TMEM63C: variants seen among roughly 807,000 people sequenced by gnomAD.
TMEM63C encodes the protein osmosensitive cation channel TMEM63C.
A neutral mutation model predicts 99.2 loss-of-function variants in TMEM63C; 32 were observed. The ratio of observed to expected loss-of-function variants is 0.32; its 90% CI spans 0.24 to 0.43. The LOEUF is 0.43. Among genes scored for constraint, TMEM63C ranks in the 20% least tolerant of loss-of-function variants. The pLI is 1.00. For synonymous variants in TMEM63C, 376 were observed against 397.9 expected, an observed-to-expected ratio of 0.94 and a Z score of 0.66; for missense variants, 826 against 1,053.0, an observed-to-expected ratio of 0.78 and a Z score of 2.98.
intron 1 of TMEM63C, among the ~76,000 whole-genome samples, chr14:77,199,505 C>G (rs1276943405): frequency 1.3e-5 from 2 of 152,176 alleles, no homozygotes; most frequent in African/African-American, 4.8e-5. Context: ...CTCTCTGTTT[C>G]CCTCTTCCTC....
chr14:77,183,643 C>G (rs1438984942), intron 1 of TMEM63C, among the ~76,000 whole-genome samples: 3 of 152,146 alleles, frequency 2.0e-5, no homozygotes, highest in Admixed American at 2.0e-4. Flanking sequence ...CCGGTTTACT[C>G]CAAGTGAAAG....
intron 23 of TMEM63C, among the ~76,000 whole-genome samples, chr14:77,254,331 C>T (rs1889426517): frequency 6.6e-6 from 1 of 152,102 alleles, no homozygotes; most frequent in African/African-American, 2.4e-5. Context: ...GAAGCACAGA[C>T]AAAACACCAG....
intron 6 of TMEM63C, among the ~76,000 whole-genome samples, chr14:77,226,626 G>A (rs1888832871): frequency 1.3e-5 from 2 of 152,142 alleles, no homozygotes; most frequent in African/African-American, 2.4e-5. Context: ...CACATCAGAA[G>A]TAAAGGACCG....
chr14:77,219,682 G>C, intron 4 of TMEM63C, 105 bp downstream of exon 4: 2 of 1,221,074 alleles, frequency 1.6e-6, no homozygotes, highest in Non-Finnish European at 2.4e-6. Flanking sequence ...CAGGTGTCTC[G>C]CCAGCAAGTG....
At chr14:77,219,713 C>A in intron 4 of TMEM63C, 136 bp downstream of exon 4, 1 of 898,886 alleles carries the variant, frequency 1.1e-6, no homozygotes, top group South Asian at 1.5e-5. Flanking sequence ...CTGCTCTGCC[C>A]TCCCTGCAGG....
chr14:77,188,979 G>A (rs756141395), intron 1 of TMEM63C, among the ~76,000 whole-genome samples: 1 of 152,036 alleles, frequency 6.6e-6, no homozygotes, highest in Non-Finnish European at 1.5e-5. Flanking sequence ...TTATACCTTA[G>A]CAAAGTTGAT....
chr14:77,220,818 GAC>G (rs1168899096), intron 5 of TMEM63C, among the ~76,000 whole-genome samples: 1 of 144,692 alleles, frequency 6.9e-6, no homozygotes, highest in African/African-American at 2.7e-5. Context: ...CAGCTGAACT[GAC>G]AGTGGCCCAT....
chr14:77,194,369 TGTGTGTGTGTGTGTATG>T (rs1888167257), intron 1 of TMEM63C, among the ~76,000 whole-genome samples: 1 of 134,186 alleles, frequency 7.5e-6, no homozygotes, highest in Non-Finnish European at 1.7e-5. Context: ...TGTGTGTGTG[TGTGTGTGTGTGTGTATG>T]TTCATATTTC....
At chr14:77,208,490 G>T (rs1230573261) in intron 1 of TMEM63C, among the ~76,000 whole-genome samples, 1 of 152,206 alleles carries the variant, frequency 6.6e-6, no homozygotes, top group African/African-American at 2.4e-5. Context: ...GCACCAGGGA[G>T]ATCGCCTCCT....
chr14:77,242,886 C>T lies in TMEM63C; in HGVS notation c.1188-17C>T, dbSNP rs1889203544. The stretch of plus-strand genomic sequence containing the variant: ...CTGATGTCTCTAAATGTGCCTCCTT[C>T]TTCCATCCTTCCCCAGGAAACACCT... On this transcript the variant is annotated splice_polypyrimidine_tract_variant and intron_variant, in intron 14 of 23. Transcript: ENST00000298351. 6.2e-7 allele frequency: 1 copy of T among 1,613,894 alleles called. No homozygotes were observed. Among genetic ancestry groups the T allele is most frequent in the African/African-American group, 1.3e-5 (1 of 74,936 alleles).
At position 77,220,054 on chromosome 14, in the gene TMEM63C, G is replaced by T. The variant is rs374790147; in HGVS notation, c.279G>T (p.Ser93=). The T allele has an allele frequency of 8.0e-5, 125 of 1,561,104 alleles. 2 individuals are homozygous for T. The African/African-American group carries it at 1.5e-3, about 19-fold the overall frequency. Residue 93 remains serine (S), a synonymous_variant, in exon 5 of 24, where the codon TCG becomes TCT. Coordinates refer to ENST00000298351, the MANE Select transcript of TMEM63C (RefSeq NM_020431.4). The part of the protein sequence containing the change: ...YGEQSEKTSP[S]ETSLEMERRD... ...AGCAGAGCGAGAAGACATCTCCCTC[G>T]GAGACTTCCTTGGAGATGGAACGCA...
intron 6 of TMEM63C, 48 bp downstream of exon 6, chr14:77,225,509 G>C (rs763864782): frequency 3.8e-6 from 6 of 1,599,460 alleles, no homozygotes; most frequent in Middle Eastern, 1.7e-4. Context: ...CCTTGGGGGT[G>C]GGGGGTGGAG....
At chr14:77,216,920 C>T (rs1888596514) in intron 2 of TMEM63C, among the ~76,000 whole-genome samples, 1 of 152,170 alleles carries the variant, frequency 6.6e-6, no homozygotes, top group Non-Finnish European at 1.5e-5. Flanking sequence ...AATCCCAGCA[C>T]TTTGGGAGTC....
intron 21 of TMEM63C, among the ~76,000 whole-genome samples, chr14:77,251,205 G>A (rs1889353330): frequency 6.6e-6 from 1 of 152,216 alleles, no homozygotes; most frequent in African/African-American, 2.4e-5. Context: ...ATTGAGGTTT[G>A]CCACTTTTTG....
chr14:77,248,446 C>A lies in TMEM63C; in HGVS notation c.1701C>A (p.Leu567=), dbSNP rs774695781. Residue 567 remains leucine (L), a synonymous_variant, in exon 19 of 24, where the codon CTC becomes CTA. Coordinates refer to ENST00000298351, the MANE Select transcript of TMEM63C (RefSeq NM_020431.4). ...TGMELLRLGS[L]FCYSTRLFFS... ...TGGAGCTGCTGCGTCTGGGGTCACT[C>A]TTCTGCTACAGCACCCGCCTCTTCT... 29 of 1,579,498 alleles carry A rather than the reference C, an allele frequency of 1.8e-5. No individual in the cohort carries two copies. In the East Asian group the frequency reaches 5.4e-4, roughly 29 times the overall value.
At chr14:77,205,710 T>TG (rs950034152) in intron 1 of TMEM63C, among the ~76,000 whole-genome samples, 4 of 152,122 alleles carry the variant, frequency 2.6e-5, no homozygotes, top group African/African-American at 9.6e-5. Flanking sequence ...AGATTCCTCG[T>TG]GGGGAGCTGG....
chr14:77,233,849 G>A (rs566835268), intron 8 of TMEM63C, among the ~76,000 whole-genome samples: 17 of 152,198 alleles, frequency 1.1e-4, no homozygotes, highest in African/African-American at 4.1e-4. Context: ...CCACCAATAG[G>A]TTCCAGTCAG....
intron 5 of TMEM63C, among the ~76,000 whole-genome samples, chr14:77,221,440 ACCTCCCACTCACACCTCC>A (rs1233749789): frequency 7.7e-4 from 6 of 7,748 alleles, no homozygotes; most frequent in Non-Finnish European, 8.4e-4. Context: ...CTCCCCACTC[ACCTCCCACTCACACCTCC>A]CCTCCCACTC....
At chr14:77,228,750 T>G (rs1233525713) in intron 6 of TMEM63C, among the ~76,000 whole-genome samples, 1 of 152,086 alleles carries the variant, frequency 6.6e-6, no homozygotes, top group African/African-American at 2.4e-5. Flanking sequence ...TTGGCCAGGC[T>G]GGTCTTGAAC....
Sources: gnomAD v4.1 joint callset for allele counts (sites outside exome capture counted in the v4.1 genomes callset) on GRCh38, gnomAD v4.1.1 for gene constraint, MANE v1.5 for transcripts, NCBI Gene and HGNC (gene_info 2026-07-23, HGNC 2026-07-21) for gene names.